DSCAM: variants seen among roughly 807,000 people sequenced by gnomAD.
DSCAM encodes the protein cell adhesion molecule DSCAM.
Under a neutral mutation model 217.7 loss-of-function variants are expected in DSCAM, and 47 were observed. The ratio of observed to expected loss-of-function variants is 0.22; its 90% CI spans 0.17 to 0.28. The LOEUF (loss-of-function observed/expected upper bound fraction) is 0.28, where lower values mean the gene tolerates loss of function less well. Among genes scored for constraint, DSCAM ranks in the 10% least tolerant of loss-of-function variants. The pLI, the probability that DSCAM is intolerant of heterozygous loss-of-function variation, is 1.00. For missense variants in DSCAM, 2,080 were observed against 2,618.3 expected (o/e 0.79, Z 4.49); for synonymous variants, 1,056 against 1,015.3 (o/e 1.04, Z -0.76).
chr21:40,709,673 C>T (rs560430942), intron 1 of DSCAM, among the ~76,000 whole-genome samples: 3 of 152,274 alleles, frequency 2.0e-5, no homozygotes, highest in South Asian at 2.1e-4. Context: ...ATGAACTCAT[C>T]GTTTTTTATG....
At chr21:40,814,594 A>C (rs2091865212) in intron 1 of DSCAM, among the ~76,000 whole-genome samples, 2 of 152,250 alleles carry the variant, frequency 1.3e-5, no homozygotes, top group South Asian at 4.1e-4. Flanking sequence ...TAGCAGCAAC[A>C]TTGACAAATA....
chr21:40,534,508 C>A (rs1290275447), intron 3 of DSCAM, among the ~76,000 whole-genome samples: 1 of 152,128 alleles, frequency 6.6e-6, no homozygotes, highest in Non-Finnish European at 1.5e-5. Flanking sequence ...TTGGGGTGAT[C>A]CATGTGTGTA....
chr21:40,827,483 A>AAAAG (rs1555892993), intron 1 of DSCAM, among the ~76,000 whole-genome samples: 13 of 133,462 alleles, frequency 9.7e-5, no homozygotes, highest in South Asian at 2.4e-4. Flanking sequence ...AAAAAAAAAA[A>AAAAG]AAAGAAAAGA....
chr21:40,472,670 G>C (rs187811246), intron 3 of DSCAM, among the ~76,000 whole-genome samples: 40 of 152,208 alleles, frequency 2.6e-4, no homozygotes, highest in African/African-American at 9.6e-4. Context: ...GATTTGGTTT[G>C]TTTCACTTGT....
intron 1 of DSCAM, among the ~76,000 whole-genome samples, chr21:40,790,165 C>T (rs1030425874): frequency 6.7e-6 from 1 of 149,550 alleles, no homozygotes; most frequent in Admixed American, 6.7e-5. Context: ...AGGATGCAAA[C>T]GTTTTTCTTT....
intron 3 of DSCAM, among the ~76,000 whole-genome samples, chr21:40,425,830 T>C (rs2075469513): frequency 6.6e-6 from 1 of 152,192 alleles, no homozygotes; most frequent in Non-Finnish European, 1.5e-5. Context: ...CACACATGCA[T>C]GTGTATCCAT....
chr21:40,741,098 AG>A (rs2091118982), intron 1 of DSCAM, among the ~76,000 whole-genome samples: 1 of 152,172 alleles, frequency 6.6e-6, no homozygotes, highest in Non-Finnish European at 1.5e-5. Context: ...GTGCAGAAAA[AG>A]TGACTGGAAA....
At chr21:40,805,469 C>T (rs1235548233) in intron 1 of DSCAM, among the ~76,000 whole-genome samples, 2 of 152,174 alleles carry the variant, frequency 1.3e-5, no homozygotes, top group Non-Finnish European at 2.9e-5. Context: ...AGAGTAAACT[C>T]AGTAACTCAT....
chr21:40,425,868 C>CA (rs2075470026), intron 3 of DSCAM, among the ~76,000 whole-genome samples: 1 of 151,988 alleles, frequency 6.6e-6, no homozygotes, highest in Admixed American at 6.6e-5. Context: ...CACATGTTAA[C>CA]TATATATGTT....
intron 27 of DSCAM, among the ~76,000 whole-genome samples, chr21:40,073,039 T>C (rs1156382849): frequency 6.6e-6 from 1 of 152,144 alleles, no homozygotes; most frequent in Non-Finnish European, 1.5e-5. Context: ...AAGGAACTAC[T>C]AAGAATACAA....
chr21:40,058,874 A>G (rs2089069736), intron 28 of DSCAM, among the ~76,000 whole-genome samples: 1 of 152,218 alleles, frequency 6.6e-6, no homozygotes, highest in African/African-American at 2.4e-5. Context: ...CAAAAATTGC[A>G]TCTTTTTTGC....
At chr21:40,406,980 G>A (rs556376463) in intron 3 of DSCAM, among the ~76,000 whole-genome samples, 1 of 152,066 alleles carries the variant, frequency 6.6e-6, no homozygotes, top group African/African-American at 2.4e-5. Context: ...TGGTTACCTG[G>A]GGCTGACAGG....
At chr21:40,769,902 TAATATTCCATCC>T (rs2091429692) in intron 1 of DSCAM, among the ~76,000 whole-genome samples, 1 of 152,278 alleles carries the variant, frequency 6.6e-6, no homozygotes, top group East Asian at 1.9e-4. Flanking sequence ...CTCCTGTAAA[TAATATTCCATCC>T]ACTGATCCCC....
At chr21:40,352,499 T>C (rs375712707) in intron 5 of DSCAM, among the ~76,000 whole-genome samples, 87 of 152,126 alleles carry the variant, frequency 5.7e-4, no homozygotes, top group African/African-American at 1.7e-3. Flanking sequence ...ATATATTCTC[T>C]TAGGCTGGTG....
chr21:40,653,832 C>T (rs2090042821), intron 3 of DSCAM, among the ~76,000 whole-genome samples: 1 of 152,184 alleles, frequency 6.6e-6, no homozygotes, highest in East Asian at 1.9e-4. Context: ...CGCAGTGGCT[C>T]ACGCCTGTAA....
intron 20 of DSCAM, among the ~76,000 whole-genome samples, chr21:40,112,001 G>C (rs974262721): frequency 1.3e-5 from 2 of 151,974 alleles, no homozygotes; most frequent in South Asian, 2.1e-4. Context: ...ACATTAGACA[G>C]ATCAACGAGA....
intron 16 of DSCAM, among the ~76,000 whole-genome samples, chr21:40,148,741 A>G (rs2090387256): frequency 6.6e-6 from 1 of 151,904 alleles, no homozygotes; most frequent in Non-Finnish European, 1.5e-5. Context: ...CTTTACCACC[A>G]TCATCACCAC....
Position 40,043,731 on chromosome 21 carries a change from C to T in DSCAM, c.5383+347G>A, listed in dbSNP as rs181472471. 5.3e-5 allele frequency among the ~76,000 whole-genome samples: 8 copies of T among 152,294 alleles called. No homozygotes were observed. The East Asian group carries it at 1.5e-3, about 29-fold the overall frequency. ...TGGAGATGGTAATGGGTCAGACGCC[C>T]TCAGAGTGTAATCAGCAATTACTGC... On this transcript the variant is annotated intron_variant, in intron 31 of 32. Transcript: ENST00000400454.
intron 2 of DSCAM, among the ~76,000 whole-genome samples, chr21:40,694,409 T>C (rs1283892475): frequency 6.6e-6 from 1 of 152,150 alleles, no homozygotes; most frequent in Non-Finnish European, 1.5e-5. Context: ...TAAAGGTGAA[T>C]TTCTCAAGGG....
Sources: allele counts gnomAD v4.1 joint callset (sites outside exome capture counted in the v4.1 genomes callset), GRCh38; gene constraint gnomAD v4.1.1; transcripts MANE v1.5; gene names NCBI Gene and HGNC (gene_info 2026-07-23, HGNC 2026-07-21).